Variants in TEAD2 observed in about 807,000 individuals in gnomAD.
The protein encoded by TEAD2 is TEA domain transcription factor 2, also known as transcriptional enhancer factor TEF-4.
TEAD2 carries 51 observed loss-of-function variants against 61.4 expected under a neutral mutation model. The observed-to-expected ratio is 0.83, with a 90% CI of 0.66 to 1.05. The LOEUF (loss-of-function observed/expected upper bound fraction) is 1.05. Among genes scored for constraint, TEAD2 ranks in the 50% least tolerant of loss-of-function variants. The pLI is 0.00. For synonymous variants in TEAD2, 244 were observed against 243.2 expected, an observed-to-expected ratio of 1.00 and a Z score of -0.03; for missense variants, 509 against 600.0, an observed-to-expected ratio of 0.85 and a Z score of 1.58.
intron 10 of TEAD2, 28 bp from the exon 11 acceptor site, chr19:49,343,426 C>A: frequency 6.3e-7 from 1 of 1,579,918 alleles, no homozygotes; most frequent in Non-Finnish European, 8.6e-7. Context: ...ACAGATGAGT[C>A]AGAGGGGACA....
rs772830564 is a variant in TEAD2 at position 49,342,524 on chromosome 19, ACTCG to A, written c.1152_1155del (p.Glu385ThrfsTer3). 6.2e-7 allele frequency: 1 copy of A among 1,614,076 alleles called. No individual in the cohort carries two copies. On this transcript the variant is annotated frameshift_variant, in exon 12 of 13. Transcript: ENST00000593945. LOFTEE classifies it high-confidence loss of function. Reference sequence around the variant, plus strand: ...AACTTGTGCAAGAAATTCACCAGGTACTCGCACATGGGCGAGCGCAGCAGGCGGT... The same window carrying A: ...AACTTGTGCAAGAAATTCACCAGGTACACATGGGCGAGCGCAGCAGGCGGT...
Position 49,359,952 on chromosome 19 carries a change from C to G in TEAD2, c.124G>C (p.Glu42Gln), listed in dbSNP as rs756554335. 1.2e-6 allele frequency: 2 copies of G among 1,611,582 alleles called. No individual in the cohort carries two copies. The highest frequency in any genetic ancestry group is 2.7e-5 in the African/African-American group (2 of 74,946). ...GAGGDGGPDA[E>Q]GVWSPDIEQS... ...TCAATGTCTGGGCTCCACACCCCCTCTGCATCCGGGCCCCCGTCACCCCCA... is the reference window on the plus strand; with the variant it reads ...TCAATGTCTGGGCTCCACACCCCCTGTGCATCCGGGCCCCCGTCACCCCCA... Residue 42 changes from glutamate to glutamine, a missense_variant, in exon 2 of 13, where the codon GAG (glutamate) becomes CAG (glutamine). Transcript: ENST00000593945. This position sits in a 1 kb window ranked among gnomAD's most constrained non-coding sequence, Gnocchi z 4.1.
chr19:49,349,840 C>T (rs1319530542), intron 8 of TEAD2, among the ~76,000 whole-genome samples: 1 of 152,212 alleles, frequency 6.6e-6, no homozygotes, highest in African/African-American at 2.4e-5. Context: ...TGGACCAACA[C>T]AGACATGATC....
chr19:49,359,459 C>G lies in TEAD2; in HGVS notation c.273G>C (p.Thr91=), dbSNP rs752489586. The change falls in exon 3 of 13, where the codon ACG becomes ACC. Residue 91 remains threonine (T), a synonymous_variant. Coordinates refer to ENST00000593945, the MANE Select transcript of TEAD2 (RefSeq NM_001256660.2). This position sits in a 1 kb window ranked among gnomAD's most constrained non-coding sequence, Gnocchi z 4.1. ...CCTGTTTTCGAGTTCGGGTCTTCCCCGTTCTCAGCTTGATGTAGCGGGCGA... is the reference window on the plus strand; with the variant it reads ...CCTGTTTTCGAGTTCGGGTCTTCCCGGTTCTCAGCTTGATGTAGCGGGCGA... ...ELIARYIKLR[T]GKTRTRKQVS... The G allele has an allele frequency of 6.2e-7, 1 of 1,614,062 alleles. No individual in the cohort carries two copies. The highest frequency in any genetic ancestry group is 8.5e-7 in the Non-Finnish European group (1 of 1,180,004).
chr19:49,353,804 G>A (rs1190327669), intron 7 of TEAD2, among the ~76,000 whole-genome samples: 1 of 146,168 alleles, frequency 6.8e-6, no homozygotes, highest in African/African-American at 2.5e-5. Flanking sequence ...TTTTTGAGCT[G>A]GAGTCTCGCT....
Position 49,343,390 on chromosome 19 carries a change from C to T in TEAD2, c.930G>A (p.Leu310=). The part of the protein sequence containing the change: ...AFFLVKFWAD[L]NWGPSGEEAG... ...CCTCCTCACCACTTGGGCCCCAGTT[C>T]AGGTCCGCCTGGGAGATGGGAAGGC... The change falls in exon 11 of 13, where the codon CTG becomes CTA. Residue 310 remains leucine (L), a synonymous_variant. Coordinates refer to ENST00000593945, the MANE Select transcript of TEAD2 (RefSeq NM_001256660.2). 2 of 1,607,230 alleles carry T rather than the reference C, an allele frequency of 1.2e-6. No individual in the cohort carries two copies. Among genetic ancestry groups the T allele is most frequent in the Non-Finnish European group, 1.7e-6 (2 of 1,177,672 alleles).
intron 4 of TEAD2, 170 bp from the exon 5 acceptor site, chr19:49,356,140 T>C: frequency 2.2e-6 from 1 of 450,526 alleles, no homozygotes; most frequent in Non-Finnish European, 3.6e-6. Flanking sequence ...TGGCCAGCCC[T>C]GGAGGGGAAA....
chr19:49,356,759 T>C (rs541119075), intron 4 of TEAD2, among the ~76,000 whole-genome samples: 28 of 152,202 alleles, frequency 1.8e-4, no homozygotes, highest in Non-Finnish European at 3.8e-4. Flanking sequence ...CCATCCTTCC[T>C]GCTGTCCTGA....
intron 7 of TEAD2, among the ~76,000 whole-genome samples, chr19:49,352,999 C>T (rs774150112): frequency 5.9e-5 from 9 of 152,196 alleles, no homozygotes; most frequent in Non-Finnish European, 1.3e-4. Flanking sequence ...TCAACAAATA[C>T]TGGACTGGCC....
chr19:49,357,392 T>G lies in TEAD2; in HGVS notation c.298-78A>C, dbSNP rs1455862409. The G allele has an allele frequency of 2.8e-6, 4 of 1,429,178 alleles. No homozygotes were observed. In the African/African-American group the frequency reaches 5.6e-5, roughly 20 times the overall value. The allele number at this position is 1,429,178 out of a possible 1,614,324, so 88.5% of individuals were successfully genotyped here. On this transcript the variant is annotated intron_variant, in intron 3 of 12. Transcript: ENST00000593945. The stretch of plus-strand genomic sequence containing the variant: ...TCACTACCCCTTCTCTCCCTCCAGG[T>G]GCCTCACTGAGCTGCTGGACCATGA...
intron 7 of TEAD2, 133 bp downstream of exon 7, chr19:49,355,015 A>T: frequency 1.5e-6 from 1 of 653,006 alleles, no homozygotes; most frequent in Non-Finnish European, 2.8e-6. Flanking sequence ...AAATACATAC[A>T]TACATGCATA....
chr19:49,355,363 C>T lies in TEAD2; in HGVS notation c.429G>A (p.Gln143=), dbSNP rs1477401233. The change falls in exon 6 of 13, where the codon CAG becomes CAA. Residue 143 remains glutamine (Q), a synonymous_variant. Coordinates refer to ENST00000593945, the MANE Select transcript of TEAD2 (RefSeq NM_001256660.2). The part of the protein sequence containing the change: ...FQTMATMSSA[Q]LISAPSLQAK... ...CCTGCAGAGAAGGCGCGGAGATGAGCTGGGCAGAGGACATGGTTGCCATTG... is the reference window on the plus strand; with the variant it reads ...CCTGCAGAGAAGGCGCGGAGATGAGTTGGGCAGAGGACATGGTTGCCATTG... 4.3e-6 allele frequency: 7 copies of T among 1,614,086 alleles called. No individual in the cohort carries two copies. Among genetic ancestry groups the T allele is most frequent in the South Asian group, 1.1e-5 (1 of 91,086 alleles).
At chr19:49,355,021 GCATACATACATACATA>G (rs113350132) in intron 7 of TEAD2, 111 bp downstream of exon 7, 22 of 630,502 alleles carry the variant, frequency 3.5e-5, no homozygotes, top group South Asian at 1.9e-4. Context: ...ATACATACAT[GCATACATACATACATA>G]CATACATACA....
At chr19:49,347,421 C>T in intron 9 of TEAD2, 58 bp from the exon 10 acceptor site, 1 of 1,572,828 alleles carries the variant, frequency 6.4e-7, no homozygotes, top group Non-Finnish European at 8.6e-7. Context: ...CCAGCCTGTG[C>T]TGCCTGAGCC....
At chr19:49,345,351 C>T (rs780196849) in intron 10 of TEAD2, among the ~76,000 whole-genome samples, 9 of 151,690 alleles carry the variant, frequency 5.9e-5, no homozygotes, top group Non-Finnish European at 1.3e-4. Flanking sequence ...TTTCCTTCTT[C>T]CTTTCTTCCT....
At position 49,341,761 on chromosome 19, in the gene TEAD2, CG is replaced by C. The variant is rs1259740730; in HGVS notation, c.1243-325del. 2.6e-5 allele frequency among the ~76,000 whole-genome samples: 4 copies of C among 152,124 alleles called. No homozygotes were observed. The highest frequency in any genetic ancestry group is 5.9e-5 in the Non-Finnish European group (4 of 68,030). On this transcript the variant is annotated intron_variant, in intron 12 of 12. Transcript: ENST00000593945. The surrounding 1 kb of genome is among the most constrained non-coding windows in gnomAD (Gnocchi z 4.2). ...GGGAGAACCCTCCCTGCAGGTTCCGCGGTCAAGGGGTCTCTGCCTCAGCAGT... is the reference window on the plus strand; with the variant it reads ...GGGAGAACCCTCCCTGCAGGTTCCGCGTCAAGGGGTCTCTGCCTCAGCAGT...
intron 9 of TEAD2, among the ~76,000 whole-genome samples, chr19:49,348,212 C>T (rs1971773793): frequency 6.6e-6 from 1 of 152,206 alleles, no homozygotes. Context: ...TGAAATGTTA[C>T]ATGCAACTTA....
Position 49,359,592 on chromosome 19 carries a change from C to T in TEAD2, c.233-93G>A, listed in dbSNP as rs1972674591. The T allele has an allele frequency of 4.1e-6, 6 of 1,450,168 alleles. No individual in the cohort carries two copies. The highest frequency in any genetic ancestry group is 5.8e-6 in the Non-Finnish European group (6 of 1,036,756). The allele number at this position is 1,450,168 out of a possible 1,614,324, so 89.8% of individuals were successfully genotyped here. On this transcript the variant is annotated intron_variant, in intron 2 of 12. Transcript: ENST00000593945. The surrounding 1 kb of genome is among the most constrained non-coding windows in gnomAD (Gnocchi z 4.1). ...AGGGAAGAAGAAAGCAGCATGGGTCCCCAAAGGTCTGCAGCAAGTGGGCTG... is the reference window on the plus strand; with the variant it reads ...AGGGAAGAAGAAAGCAGCATGGGTCTCCAAAGGTCTGCAGCAAGTGGGCTG...
chr19:49,355,471 C>T, intron 5 of TEAD2, 52 bp from the exon 6 acceptor site: 1 of 1,493,252 alleles, frequency 6.7e-7, no homozygotes, highest in Non-Finnish European at 9.3e-7. Flanking sequence ...GTCAACATGG[C>T]AAGAGGGGGA....
Sources: gnomAD v4.1 joint callset for allele counts (sites outside exome capture counted in the v4.1 genomes callset) on GRCh38, gnomAD v4.1.1 for gene constraint, Gnocchi (gnomAD v3.1) non-coding constraint, MANE v1.5 for transcripts, NCBI Gene and HGNC (gene_info 2026-07-23, HGNC 2026-07-21) for gene names.